DOT1L: variants seen among roughly 807,000 people sequenced by gnomAD.
DOT1L encodes DOT1 like histone lysine methyltransferase.
A neutral mutation model predicts 153.3 loss-of-function variants in DOT1L; 33 were observed. The observed-to-expected ratio is 0.22, with a 90% CI of 0.16 to 0.29. The LOEUF is 0.29. Ranked by LOEUF, DOT1L falls within the 10% of genes least tolerant of loss-of-function variation. The pLI, the probability that DOT1L is intolerant of heterozygous loss-of-function variation, is 1.00. For missense variants in DOT1L, 1,847 were observed against 2,119.9 expected, an observed-to-expected ratio of 0.87 and a Z score of 2.53; for synonymous variants, 1,135 against 965.1, an observed-to-expected ratio of 1.18 and a Z score of -3.26.
rs1331167974 is a variant in DOT1L at position 2,229,246 on chromosome 19, G to A, written c.4607-539G>A. The A allele has an allele frequency of 4.1e-6, 4 of 985,358 alleles. No individual in the cohort carries two copies. In the African/African-American group the frequency reaches 7.0e-5, roughly 17 times the overall value. 61.0% of individuals were successfully genotyped at this position (985,358 alleles called of 1,614,324 possible). On this transcript the variant is annotated intron_variant, in intron 27 of 27. Coordinates refer to ENST00000398665, the MANE Select transcript of DOT1L (RefSeq NM_032482.3). The stretch of plus-strand genomic sequence containing the variant: ...CTGTGGCCGCTGACCCCTGAGGGCA[G>A]TTGGCCACCCGTGCCCTCCAGGGAC...
chr19:2,214,147 C>T, intron 18 of DOT1L, 161 bp downstream of exon 18: 1 of 1,264,094 alleles, frequency 7.9e-7, no homozygotes, highest in East Asian at 2.6e-5. Context: ...GAGCGCGTCA[C>T]AGCAGGCAGG....
chr19:2,211,687 T>G (rs1204669193), intron 15 of DOT1L, 64 bp from the exon 16 acceptor site: 3 of 1,417,786 alleles, frequency 2.1e-6, no homozygotes, highest in African/African-American at 1.4e-5. Context: ...CAAGGGCTGC[T>G]CCCACCTCTT....
At chr19:2,172,174 T>G (rs959558916) in intron 1 of DOT1L, among the ~76,000 whole-genome samples, 2 of 151,954 alleles carry the variant, frequency 1.3e-5, no homozygotes, top group African/African-American at 4.8e-5. Flanking sequence ...CACTTTTCTT[T>G]TTTGTTTTCT....
Position 2,226,798 on chromosome 19 carries a change from T to G in DOT1L, c.4277T>G (p.Leu1426Arg), listed in dbSNP as rs1231398760. 1.5e-5 allele frequency: 23 copies of G among 1,579,140 alleles called. No individual in the cohort carries two copies. The highest frequency in any genetic ancestry group is 1.9e-5 in the Non-Finnish European group (22 of 1,169,792). Residue 1426 changes from leucine (L) to arginine (R), a missense_variant, in exon 27 of 28, where the codon CTC (leucine) becomes CGC (arginine). Physicochemically the swap from Leu to Arg is moderately radical, Grantham distance 102. Around this residue, in one of 8 missense-constraint regions of DOT1L, gnomAD observed 934 missense variants for 825.3 expected, o/e 1.13. Coordinates refer to ENST00000398665, the MANE Select transcript of DOT1L (RefSeq NM_032482.3). ...REVDLKNGHN[L>R]FISAAAVPPG... ...GTCGACCTCAAGAATGGCCACAACC[T>G]CTTCATCTCTGCGGCGGCCGTGCCT...
intron 3 of DOT1L, among the ~76,000 whole-genome samples, chr19:2,187,833 A>G (rs1048118805): frequency 7.9e-5 from 12 of 151,164 alleles, no homozygotes; most frequent in Non-Finnish European, 1.3e-4. Flanking sequence ...GAGGCAGGAG[A>G]ATGGTGTGAA....
At position 2,225,364 on chromosome 19, in the gene DOT1L, T is replaced by G. The variant is rs778602612; in HGVS notation, c.3597-24T>G. ...TTAGTATGCAGCTGGGTTTCAAGCATTAATGACCTTTTTTTCTTAACAGAA... is the reference window on the plus strand; with the variant it reads ...TTAGTATGCAGCTGGGTTTCAAGCAGTAATGACCTTTTTTTCTTAACAGAA... On this transcript the variant is annotated intron_variant, in intron 25 of 27. Coordinates refer to ENST00000398665, the MANE Select transcript of DOT1L (RefSeq NM_032482.3). The G allele has an allele frequency of 1.2e-6, 2 of 1,610,178 alleles. No individual in the cohort carries two copies. Among genetic ancestry groups the G allele is most frequent in the Non-Finnish European group, 1.7e-6 (2 of 1,176,516 alleles).
At chr19:2,229,543 G>C (rs1485305638) in intron 27 of DOT1L, 1 of 985,354 alleles carries the variant, frequency 1.0e-6, no homozygotes, top group Non-Finnish European at 1.2e-6. Context: ...TCGGCTGTGT[G>C]TCTCCTTTGG....
Position 2,232,433 on chromosome 19 carries a change from TG to T in DOT1L, c.*2642del, listed in dbSNP as rs1224583556. 4 of 215,834 alleles carry T rather than the reference TG, an allele frequency of 1.9e-5. No individual in the cohort carries two copies. The highest frequency in any genetic ancestry group is 1.5e-3 in the Middle Eastern group (1 of 672). The allele number at this position is 215,834 out of a possible 1,614,324, so 13.4% of individuals were successfully genotyped here. ...TCAGCCTTTGTAACGTGGGAGGCTCTGCCGTGTCTTCCGGGTGAACTGTATT... is the reference window on the plus strand; with the variant it reads ...TCAGCCTTTGTAACGTGGGAGGCTCTCCGTGTCTTCCGGGTGAACTGTATT... On this transcript the variant is annotated 3_prime_UTR_variant, in exon 28 of 28. Transcript: ENST00000398665.
chr19:2,174,883 C>T (rs906061033), intron 1 of DOT1L, among the ~76,000 whole-genome samples: 25 of 151,970 alleles, frequency 1.6e-4, no homozygotes, highest in African/African-American at 3.6e-4. Flanking sequence ...GCAGTCCTCC[C>T]GCCTCAACCT....
At chr19:2,200,318 G>A (rs1013018816) in intron 8 of DOT1L, among the ~76,000 whole-genome samples, 3 of 151,312 alleles carry the variant, frequency 2.0e-5, no homozygotes, top group African/African-American at 4.9e-5. Context: ...CACCCACACA[G>A]CACTATGAGG....
chr19:2,175,859 C>G (rs963101254), intron 1 of DOT1L, among the ~76,000 whole-genome samples: 6 of 152,080 alleles, frequency 3.9e-5, no homozygotes, highest in Admixed American at 3.3e-4. Context: ...CGGCAACGAG[C>G]AAAACTCCGT....
At position 2,207,792 on chromosome 19, in the gene DOT1L, C is replaced by T. The variant is rs570156323; in HGVS notation, c.963+112C>T. 7.1e-6 allele frequency: 7 copies of T among 982,704 alleles called. No homozygotes were observed. In the East Asian group the frequency reaches 1.8e-4, roughly 26 times the overall value. The allele number at this position is 982,704 out of a possible 1,614,324, so 60.9% of individuals were successfully genotyped here. A position where few individuals can be genotyped will look rare whatever the true frequency, so the allele number is the denominator to read the frequency against. On this transcript the variant is annotated intron_variant, in intron 11 of 27. Coordinates refer to ENST00000398665, the MANE Select transcript of DOT1L (RefSeq NM_032482.3). The surrounding 1 kb of genome is among the most constrained non-coding windows in gnomAD (Gnocchi z 4.5). Reference sequence around the variant, plus strand: ...CCTCTGAGACCCTCCCCTCAGAGCCCTCAACGCCCCCCGGCCCCTGAGCTC... The same window carrying T: ...CCTCTGAGACCCTCCCCTCAGAGCCTTCAACGCCCCCCGGCCCCTGAGCTC...
Position 2,232,546 on chromosome 19 carries a change from G to C in DOT1L, c.*2754G>C, listed in dbSNP as rs1306604513. On this transcript the variant is annotated 3_prime_UTR_variant, in exon 28 of 28. Transcript: ENST00000398665. ...CCTGCATTCTGCATCCCCACCTCTA[G>C]ACGCTGTAATAAACAGACTGTTTTC... 1 of 213,072 alleles carries C rather than the reference G, an allele frequency of 4.7e-6. No individual in the cohort carries two copies. The highest frequency in any genetic ancestry group is 2.3e-5 in the African/African-American group (1 of 44,090). 13.2% of individuals were successfully genotyped at this position (213,072 alleles called of 1,614,324 possible). A position where few individuals can be genotyped will look rare whatever the true frequency, so the allele number is the denominator to read the frequency against.
At position 2,213,642 on chromosome 19, in the gene DOT1L, T is replaced by C; in HGVS notation, c.1659+2T>C. 1 of 1,613,438 alleles carries C rather than the reference T, an allele frequency of 6.2e-7. No homozygotes were observed. Among genetic ancestry groups the C allele is most frequent in the Non-Finnish European group, 8.5e-7 (1 of 1,179,826 alleles). On this transcript the variant is annotated splice_donor_variant, in intron 17 of 27. Transcript: ENST00000398665. LOFTEE classifies it high-confidence loss of function. ...CTGTTTCAGCAAAAATTGGATGAGG[T>C]AGTGGACCCCAGAGGGCAGGTGGCA...
chr19:2,228,324 C>G, intron 27 of DOT1L: 8 of 1,336,374 alleles, frequency 6.0e-6, no homozygotes, highest in Non-Finnish European at 7.9e-6. Context: ...TGCCGCGCAC[C>G]TTTCGGGGGT....
rs1413359485 is a variant in DOT1L, at chr19:2,204,551, T to C, written c.787+1772T>C. Among the ~76,000 whole-genome samples the C allele has an allele frequency of 6.6e-6, 1 of 152,186 alleles. No homozygotes were observed. Among genetic ancestry groups the C allele is most frequent in the Non-Finnish European group, 1.5e-5 (1 of 68,036 alleles). On this transcript the variant is annotated intron_variant, in intron 9 of 27. Coordinates refer to ENST00000398665, the MANE Select transcript of DOT1L (RefSeq NM_032482.3). The surrounding 1 kb of genome is among the most constrained non-coding windows in gnomAD (Gnocchi z 5.7). ...CCCCCTCCATGGTCCTCGTACCCGC[T>C]GCCCTAGAACGCCTCTTCTGGCTGT...
At chr19:2,228,396 C>T (rs543911393) in intron 27 of DOT1L, 33 of 1,263,192 alleles carry the variant, frequency 2.6e-5, no homozygotes, top group East Asian at 4.9e-5. Flanking sequence ...AGGCCAGAGC[C>T]CTGCGCGGTG....
Position 2,205,332 on chromosome 19 carries a change from C to T in DOT1L, c.788-1397C>T, listed in dbSNP as rs112399561. 8.5e-3 allele frequency among the ~76,000 whole-genome samples: 1,302 copies of T among 152,290 alleles called. 21 individuals are homozygous for T. Among genetic ancestry groups the T allele is most frequent in the African/African-American group, 0.029 (1,206 of 41,570 alleles). ...TAAAAACAGAAGGCTCTGTTTCTCT[C>T]GGTCCTGCGAAGTTCGGCTCCTGAC... is the stretch of plus-strand genomic sequence containing the variant. On this transcript the variant is annotated intron_variant, in intron 9 of 27. Transcript: ENST00000398665.
chr19:2,220,088 A>G lies in DOT1L; in HGVS notation c.2692-20A>G. The G allele has an allele frequency of 1.3e-6, 2 of 1,585,342 alleles. No homozygotes were observed. The highest frequency in any genetic ancestry group is 2.3e-5 in the South Asian group (2 of 88,670). ...CTGGGGCACCTGCTGCCCCTGACAC[A>G]CAGGGTTTTCTCTCTGCAGAGGAGC... On this transcript the variant is annotated intron_variant, in intron 22 of 27. Coordinates refer to ENST00000398665, the MANE Select transcript of DOT1L (RefSeq NM_032482.3). This position sits in a 1 kb window ranked among gnomAD's most constrained non-coding sequence, Gnocchi z 4.5.
Sources: gnomAD v4.1 joint callset for allele counts (sites outside exome capture counted in the v4.1 genomes callset) on GRCh38, gnomAD v4.1.1 for gene constraint, gnomAD v4.1.1 regional missense constraint, Gnocchi (gnomAD v3.1) non-coding constraint, MANE v1.5 for transcripts, NCBI Gene and HGNC (gene_info 2026-07-23, HGNC 2026-07-21) for gene names.